SYT9: variants seen among roughly 807,000 people sequenced by gnomAD.
SYT9 encodes synaptotagmin-9.
In SYT9, 22 loss-of-function variants were observed where a neutral mutation model predicts 48.4. The ratio of observed to expected loss-of-function variants is 0.45; its 90% CI spans 0.32 to 0.65. SYT9 has a LOEUF of 0.65. Ranked by LOEUF, SYT9 falls within the 30% of genes least tolerant of loss-of-function variation. SYT9 has a pLI of 0.03. For synonymous variants in SYT9, 265 were observed against 245.0 expected (o/e 1.08, Z -0.76); for missense variants, 577 against 622.0 (o/e 0.93, Z 0.77).
At chr11:7,308,926 A>G (rs906327406) in intron 2 of SYT9, among the ~76,000 whole-genome samples, 1 of 152,186 alleles carries the variant, frequency 6.6e-6, no homozygotes, top group Non-Finnish European at 1.5e-5. Context: ...ACATCTGAGG[A>G]AAGGAAAGGA....
At chr11:7,250,319 C>T (rs952383817), upstream of SYT9, among the ~76,000 whole-genome samples, 2 of 152,168 alleles carry the variant, frequency 1.3e-5, no homozygotes, top group Non-Finnish European at 2.9e-5. Flanking sequence ...CATCTCTTGC[C>T]TGGTTTATCA....
intron 1 of SYT9, among the ~76,000 whole-genome samples, chr11:7,289,305 G>A (rs1165730516): frequency 6.6e-6 from 1 of 152,166 alleles, no homozygotes; most frequent in African/African-American, 2.4e-5. Flanking sequence ...TAGACCAGTG[G>A]TTACCAGGGT....
intron 3 of SYT9, among the ~76,000 whole-genome samples, chr11:7,316,871 G>A (rs1849252390): frequency 6.6e-6 from 1 of 152,154 alleles, no homozygotes; most frequent in African/African-American, 2.4e-5. Context: ...TCAGTTGTCC[G>A]GTTTGACCAT....
intron 3 of SYT9, among the ~76,000 whole-genome samples, chr11:7,380,151 G>A (rs1336336820): frequency 6.6e-6 from 1 of 152,172 alleles, no homozygotes; most frequent in Non-Finnish European, 1.5e-5. Context: ...CAACACAGAT[G>A]GAACTGGGGA....
chr11:7,423,998 G>GAA (rs905954746), intron 6 of SYT9, among the ~76,000 whole-genome samples: 2 of 152,168 alleles, frequency 1.3e-5, no homozygotes, highest in African/African-American at 4.8e-5. Context: ...AAGACAGAGA[G>GAA]AGAGGGAGAG....
In SYT9 at chr11:7,351,228, G is replaced by A. The variant is rs375898243; in HGVS notation, c.1044+37287G>A. Among the ~76,000 whole-genome samples the A allele has an allele frequency of 5.4e-4, 82 of 152,226 alleles. 1 individual carries two copies. Among genetic ancestry groups the A allele is most frequent in the East Asian group, 1.2e-3 (6 of 5,182 alleles). On this transcript the variant is annotated intron_variant, in intron 3 of 6. Transcript: ENST00000318881. Reference sequence around the variant, plus strand: ...AAACTGAAAGCCCAGTAATTCCCTCGGTCTTTATATAAGAAGAGTATTATC... The same window carrying A: ...AAACTGAAAGCCCAGTAATTCCCTCAGTCTTTATATAAGAAGAGTATTATC...
intron 4 of SYT9, among the ~76,000 whole-genome samples, chr11:7,417,391 C>A (rs111608194): frequency 0.021 from 3,204 of 152,226 alleles, 52 homozygotes; most frequent in Non-Finnish European, 0.034. Flanking sequence ...GTGTTGCACC[C>A]CAAGGAAGCC....
Position 7,252,193 on chromosome 11 carries a change from G to A in SYT9, c.7G>A (p.Gly3Arg). The change falls in exon 1 of 7, where the codon GGG (glycine) becomes AGG (arginine). Residue 3 changes from glycine to arginine, a missense_variant. Coordinates refer to ENST00000318881, the MANE Select transcript of SYT9 (RefSeq NM_175733.4). This position sits in a 1 kb window ranked among gnomAD's most constrained non-coding sequence, Gnocchi z 6.3. ...CCGAGGATGCGGGGGGGCGATGCCC[G>A]GGGCCAGGGACGCGCTCTGTCACCA... MP[G>R]ARDALCHQAL... 3.4e-6 allele frequency: 5 copies of A among 1,454,676 alleles called. No homozygotes were observed. The highest frequency in any genetic ancestry group is 4.5e-6 in the Non-Finnish European group (5 of 1,104,590). 90.1% of individuals were successfully genotyped at this position (1,454,676 alleles called of 1,614,324 possible).
At chr11:7,387,138 G>C (rs1850676886) in intron 3 of SYT9, among the ~76,000 whole-genome samples, 1 of 152,116 alleles carries the variant, frequency 6.6e-6, no homozygotes, top group African/African-American at 2.4e-5. Context: ...TCACACACCA[G>C]GGCCTGTTGT....
At chr11:7,390,561 T>C (rs754983278) in intron 3 of SYT9, among the ~76,000 whole-genome samples, 2 of 152,156 alleles carry the variant, frequency 1.3e-5, no homozygotes, top group Non-Finnish European at 2.9e-5. Context: ...TAAGAAACCA[T>C]ATGTAAAATA....
chr11:7,313,365 A>C (rs976872129), intron 2 of SYT9, 30 bp from the exon 3 acceptor site: 11 of 1,569,402 alleles, frequency 7.0e-6, no homozygotes, highest in Admixed American at 3.8e-5. Context: ...ATAAGGTTAT[A>C]ACTTTGTTCT....
chr11:7,281,980 G>C (rs1300532688), intron 1 of SYT9, among the ~76,000 whole-genome samples: 7 of 152,164 alleles, frequency 4.6e-5, no homozygotes, highest in Non-Finnish European at 1.0e-4. Flanking sequence ...TGACACAGGG[G>C]ATACTTAAAC....
At chr11:7,415,911 A>C in intron 3 of SYT9, 131 bp from the exon 4 acceptor site, 8 of 1,120,104 alleles carry the variant, frequency 7.1e-6, no homozygotes, top group African/African-American at 1.6e-5. Context: ...CATGAACGGA[A>C]GAGATACCAG....
chr11:7,422,604 T>C (rs1257639661), intron 6 of SYT9, among the ~76,000 whole-genome samples: 100 of 152,234 alleles, frequency 6.6e-4, no homozygotes, highest in Admixed American at 6.5e-3. Flanking sequence ...TTGCTGACTT[T>C]AATTCTTATT....
intron 3 of SYT9, among the ~76,000 whole-genome samples, chr11:7,366,885 TTTA>T (rs1020984679): frequency 6.6e-6 from 1 of 151,758 alleles, no homozygotes; most frequent in Non-Finnish European, 1.5e-5. Context: ...CTCATAAACA[TTTA>T]TTATTATTAT....
At chr11:7,304,410 T>C (rs1848997421) in intron 2 of SYT9, among the ~76,000 whole-genome samples, 1 of 152,246 alleles carries the variant, frequency 6.6e-6, no homozygotes, top group Admixed American at 6.5e-5. Context: ...AATGAAAATA[T>C]TGGCCTGAGT....
At position 7,467,014 on chromosome 11, in the gene SYT9, G is replaced by A; in HGVS notation, c.*214G>A. The A allele has an allele frequency of 1.7e-6, 1 of 576,540 alleles. No homozygotes were observed. The highest frequency in any genetic ancestry group is 2.5e-5 in the South Asian group (1 of 39,862). The allele number at this position is 576,540 out of a possible 1,614,324, so 35.7% of individuals were successfully genotyped here. On this transcript the variant is annotated 3_prime_UTR_variant, in exon 7 of 7. Transcript: ENST00000318881. ...TGCAGGTGGCCCAAGGTGATGTGCTGCAGGGAAGCATGTCTCTCATGCCAA... is the reference window on the plus strand; with the variant it reads ...TGCAGGTGGCCCAAGGTGATGTGCTACAGGGAAGCATGTCTCTCATGCCAA...
intron 1 of SYT9, among the ~76,000 whole-genome samples, chr11:7,277,509 T>G: frequency 6.6e-6 from 1 of 151,744 alleles, no homozygotes; most frequent in East Asian, 1.9e-4. Flanking sequence ...CAAGAGAAGA[T>G]TACATCCATT....
At chr11:7,318,618 C>T (rs965056982) in intron 3 of SYT9, among the ~76,000 whole-genome samples, 3 of 152,142 alleles carry the variant, frequency 2.0e-5, no homozygotes, top group Admixed American at 6.5e-5. Context: ...CCAGCCTTAG[C>T]TATGTATATT....
Sources: allele counts gnomAD v4.1 joint callset (sites outside exome capture counted in the v4.1 genomes callset), GRCh38; gene constraint gnomAD v4.1.1; non-coding constraint Gnocchi (gnomAD v3.1); transcripts MANE v1.5; gene names NCBI Gene and HGNC (gene_info 2026-07-23, HGNC 2026-07-21).